PCDH15: variants seen among roughly 807,000 people sequenced by gnomAD.
PCDH15 encodes the protein protocadherin-15.
Under a neutral mutation model 178.5 loss-of-function variants are expected in PCDH15, and 129 were observed. The observed-to-expected ratio is 0.72, with a 90% CI of 0.63 to 0.84. PCDH15 has a LOEUF of 0.84. Among genes scored for constraint, PCDH15 ranks in the 40% least tolerant of loss-of-function variants. PCDH15 has a pLI of 0.00. For missense variants in PCDH15, 2,230 were observed against 2,099.9 expected, an observed-to-expected ratio of 1.06 and a Z score of -1.21; for synonymous variants, 800 against 732.0, an observed-to-expected ratio of 1.09 and a Z score of -1.50.
At chr10:54,425,734 G>C (rs1245277126) in intron 3 of PCDH15, among the ~76,000 whole-genome samples, 5 of 152,132 alleles carry the variant, frequency 3.3e-5, no homozygotes, top group Non-Finnish European at 7.4e-5. Context: ...TTTAAACCAA[G>C]TCCTATTTGT....
At chr10:54,519,235 C>T (rs1008053233) in intron 3 of PCDH15, among the ~76,000 whole-genome samples, 3 of 152,092 alleles carry the variant, frequency 2.0e-5, no homozygotes, top group African/African-American at 7.2e-5. Context: ...GAGAAGAAAA[C>T]AAAGGGTATT....
intron 3 of PCDH15, among the ~76,000 whole-genome samples, chr10:54,884,480 GGTGT>G (rs11473798): frequency 0.19 from 28,427 of 148,624 alleles, 3,688 homozygotes; most frequent in East Asian, 0.51. Context: ...TACTAAGATA[GGTGT>G]GTGTGTGTGT....
rs145153432 is a variant in PCDH15 at position 54,960,773 on chromosome 10, T to C, written c.-79-63273A>G. ...AAGCTTTGCTCCTTTAAAATAATTTTAGTTATCATAAAATTTAAAAGATAC... is the reference window on the plus strand; with the variant it reads ...AAGCTTTGCTCCTTTAAAATAATTTCAGTTATCATAAAATTTAAAAGATAC... On this transcript the variant is annotated intron_variant, in intron 2 of 5. Transcript: ENST00000458638. Among the ~76,000 whole-genome samples, 208 of 152,298 alleles carry C rather than the reference T, an allele frequency of 1.4e-3. 2 individuals carry two copies. The highest frequency in any genetic ancestry group is 4.9e-3 in the African/African-American group (203 of 41,574).
chr10:54,383,708 C>A (rs971597321), intron 3 of PCDH15, among the ~76,000 whole-genome samples: 1 of 148,782 alleles, frequency 6.7e-6, no homozygotes, highest in African/African-American at 2.5e-5. Flanking sequence ...TCTTCATACC[C>A]CACTCTCCTC....
rs1463919295 is a variant in PCDH15, at chr10:54,850,725, T to A, written c.-29+46725A>T. On this transcript the variant is annotated intron_variant, in intron 3 of 5. Transcript: ENST00000458638. Reference sequence around the variant, plus strand: ...AAAATTGAAATGCCAAAGTTTTGGTTATTATTGCTAGAAGTACAAAATTAA... The same window carrying A: ...AAAATTGAAATGCCAAAGTTTTGGTAATTATTGCTAGAAGTACAAAATTAA... Among the ~76,000 whole-genome samples, 3 of 149,116 alleles carry A rather than the reference T, an allele frequency of 2.0e-5. No homozygotes were observed. In the East Asian group the frequency reaches 5.9e-4, roughly 29 times the overall value.
chr10:54,337,618 G>T (rs1233567235), intron 6 of PCDH15, among the ~76,000 whole-genome samples: 1 of 152,054 alleles, frequency 6.6e-6, no homozygotes, highest in Non-Finnish European at 1.5e-5. Context: ...ACTACAGCTG[G>T]AACTACTTCC....
intron 1 of PCDH15, among the ~76,000 whole-genome samples, chr10:55,224,454 T>C (rs1840970256): frequency 6.6e-6 from 1 of 152,032 alleles, no homozygotes; most frequent in Non-Finnish European, 1.5e-5. Context: ...CTTCTTAGAA[T>C]TCTGCTCAGC....
chr10:54,026,014 T>C (rs1012140188), intron 18 of PCDH15, among the ~76,000 whole-genome samples: 1 of 152,170 alleles, frequency 6.6e-6, no homozygotes, highest in African/African-American at 2.4e-5. Flanking sequence ...TGCACATGTG[T>C]GCAAGTGTGT....
At chr10:55,358,650 T>C (rs1845139675) in intron 2 of PCDH15, among the ~76,000 whole-genome samples, 1 of 152,142 alleles carries the variant, frequency 6.6e-6, no homozygotes, top group Non-Finnish European at 1.5e-5. Flanking sequence ...AATAAAATTA[T>C]AAATATTCCC....
At position 55,530,792 on chromosome 10, in the gene PCDH15, C is replaced by A. The variant is rs568299848; in HGVS notation, c.-156+96833G>T. Among the ~76,000 whole-genome samples the A allele has an allele frequency of 3.9e-5, 6 of 151,938 alleles. No homozygotes were observed. In the East Asian group the frequency reaches 1.2e-3, roughly 29 times the overall value. ...CTATCTAAATATATTTAATTAAATT[C>A]TATGCATAGTAGAGGAAGCAGGATT... On this transcript the variant is annotated intron_variant, in intron 2 of 5. Coordinates refer to the PCDH15 transcript ENST00000613346.
At chr10:55,485,916 T>C (rs1040639100) in intron 2 of PCDH15, among the ~76,000 whole-genome samples, 1 of 151,668 alleles carries the variant, frequency 6.6e-6, no homozygotes, top group Non-Finnish European at 1.5e-5. Flanking sequence ...ACATAGACTT[T>C]ACATCCCTAC....
chr10:55,211,406 AT>A (rs1271034374), intron 1 of PCDH15, among the ~76,000 whole-genome samples: 5 of 152,146 alleles, frequency 3.3e-5, no homozygotes, highest in Non-Finnish European at 5.9e-5. Flanking sequence ...AAATGTAATC[AT>A]TTGCATTTCC....
At chr10:54,562,752 G>A (rs1328529087) in intron 2 of PCDH15, among the ~76,000 whole-genome samples, 1 of 152,042 alleles carries the variant, frequency 6.6e-6, no homozygotes, top group Non-Finnish European at 1.5e-5. Context: ...AGAGTTTCAT[G>A]TATAGAGAGC....
At chr10:55,074,451 C>A (rs1233959506) in intron 2 of PCDH15, among the ~76,000 whole-genome samples, 1 of 152,142 alleles carries the variant, frequency 6.6e-6, no homozygotes, top group Non-Finnish European at 1.5e-5. Context: ...ATTTGCATTT[C>A]TCTAATGATC....
chr10:54,992,950 A>G (rs1377797639), intron 2 of PCDH15, among the ~76,000 whole-genome samples: 1 of 151,858 alleles, frequency 6.6e-6, no homozygotes, highest in Non-Finnish European at 1.5e-5. Context: ...CTCTTTATAG[A>G]ATTGGTTGAA....
At chr10:54,073,617 A>G (rs972462483) in intron 17 of PCDH15, among the ~76,000 whole-genome samples, 2 of 152,198 alleles carry the variant, frequency 1.3e-5, no homozygotes, top group Non-Finnish European at 2.9e-5. Flanking sequence ...GAAATATTAC[A>G]AGTGTTCAGA....
chr10:54,230,210 C>G (rs916738441), intron 9 of PCDH15, among the ~76,000 whole-genome samples: 1 of 151,918 alleles, frequency 6.6e-6, no homozygotes, highest in Non-Finnish European at 1.5e-5. Flanking sequence ...TTAGAAGAAG[C>G]ATTCTAGAGA....
intron 2 of PCDH15, among the ~76,000 whole-genome samples, chr10:54,913,893 T>C (rs559690770): frequency 1.1e-3 from 169 of 152,362 alleles, no homozygotes; most frequent in African/African-American, 3.8e-3. Context: ...TTCTCACTTT[T>C]GAAATGGGAA....
chr10:54,413,500 C>T (rs560834981), intron 3 of PCDH15, among the ~76,000 whole-genome samples: 12 of 152,230 alleles, frequency 7.9e-5, no homozygotes, highest in African/African-American at 2.9e-4. Flanking sequence ...CTAGCTCATT[C>T]TCTAGGTGAA....
Sources: gnomAD v4.1 joint callset for allele counts (sites outside exome capture counted in the v4.1 genomes callset) on GRCh38, gnomAD v4.1.1 for gene constraint, MANE v1.5 for transcripts, NCBI Gene and HGNC (gene_info 2026-07-23, HGNC 2026-07-21) for gene names.